SLC22A3: variants seen among roughly 807,000 people sequenced by gnomAD.
The protein encoded by SLC22A3 is solute carrier family 22 member 3.
A neutral mutation model predicts 59.1 loss-of-function variants in SLC22A3; 51 were observed. The ratio of observed to expected loss-of-function variants is 0.86; its 90% CI spans 0.69 to 1.09. The LOEUF (loss-of-function observed/expected upper bound fraction) is 1.09. Ranked by LOEUF, SLC22A3 falls within the 50% of genes least tolerant of loss-of-function variation. The pLI is 0.00. For missense variants in SLC22A3, 711 were observed against 726.3 expected, an observed-to-expected ratio of 0.98 and a Z score of 0.24; for synonymous variants, 325 against 292.0, an observed-to-expected ratio of 1.11 and a Z score of -1.15.
At chr6:160,435,930 A>C (rs1202573297) in intron 5 of SLC22A3, among the ~76,000 whole-genome samples, 16 of 152,106 alleles carry the variant, frequency 1.1e-4, no homozygotes, top group Non-Finnish European at 2.4e-4. Flanking sequence ...AGAGCTCCAG[A>C]CCCACAGGGG....
intron 6 of SLC22A3, 47 bp downstream of exon 6, chr6:160,436,924 A>G: frequency 6.2e-7 from 1 of 1,610,182 alleles, no homozygotes; most frequent in African/African-American, 1.3e-5. Context: ...TAAATTTACA[A>G]TACATCCCTT....
chr6:160,413,420 A>C (rs900809571), intron 5 of SLC22A3, among the ~76,000 whole-genome samples: 6 of 152,240 alleles, frequency 3.9e-5, no homozygotes, highest in African/African-American at 1.4e-4. Context: ...AAAATAGTTG[A>C]ATGAATCTCT....
intron 1 of SLC22A3, among the ~76,000 whole-genome samples, chr6:160,368,725 C>G (rs1785292993): frequency 1.3e-5 from 2 of 152,162 alleles, no homozygotes; most frequent in African/African-American, 4.8e-5. Context: ...CACCCCTGGT[C>G]TTATGTATCA....
chr6:160,416,895 A>G lies in SLC22A3; in HGVS notation c.975+6049A>G, dbSNP rs530523423. Among the ~76,000 whole-genome samples the G allele has an allele frequency of 4.7e-3, 710 of 152,348 alleles. 3 individuals are homozygous for G. The highest frequency in any genetic ancestry group is 0.016 in the African/African-American group (685 of 41,580). ...GTACTGAATTTGTGTGCTTGTCAAAATAAAAAAGAATGGGCAAGTACTTCA... is the reference window on the plus strand; with the variant it reads ...GTACTGAATTTGTGTGCTTGTCAAAGTAAAAAAGAATGGGCAAGTACTTCA... On this transcript the variant is annotated intron_variant, in intron 5 of 10. Coordinates refer to ENST00000275300, the MANE Select transcript of SLC22A3 (RefSeq NM_021977.4).
chr6:160,414,448 A>G (rs1787387468), intron 5 of SLC22A3, among the ~76,000 whole-genome samples: 5 of 152,198 alleles, frequency 3.3e-5, no homozygotes, highest in Admixed American at 2.0e-4. Context: ...GTGATTAATG[A>G]GTTGAGTGTG....
intron 9 of SLC22A3, among the ~76,000 whole-genome samples, chr6:160,444,642 G>C (rs541264098): frequency 6.6e-6 from 1 of 152,162 alleles, no homozygotes; most frequent in African/African-American, 2.4e-5. Context: ...CTGCTCCAAC[G>C]GTCCTGCCTG....
At chr6:160,419,932 A>C (rs1395121778) in intron 5 of SLC22A3, among the ~76,000 whole-genome samples, 1 of 152,190 alleles carries the variant, frequency 6.6e-6, no homozygotes, top group Non-Finnish European at 1.5e-5. Flanking sequence ...ATTTAAATGG[A>C]TTTGTTTACT....
At chr6:160,433,963 T>A (rs573677690) in intron 5 of SLC22A3, among the ~76,000 whole-genome samples, 20 of 152,188 alleles carry the variant, frequency 1.3e-4, no homozygotes, top group Non-Finnish European at 2.6e-4. Flanking sequence ...GAAAAAAGTA[T>A]TGCCACCTGT....
At chr6:160,432,978 C>G (rs1788208895) in intron 5 of SLC22A3, among the ~76,000 whole-genome samples, 1 of 152,158 alleles carries the variant, frequency 6.6e-6, no homozygotes, top group Admixed American at 6.5e-5. Context: ...AGCACTAAGC[C>G]TCTCATTCAG....
Position 160,410,830 on chromosome 6 carries a change from C to T in SLC22A3, c.959C>T (p.Ser320Leu). 1.3e-6 allele frequency: 2 copies of T among 1,596,064 alleles called. No individual in the cohort carries two copies. The highest frequency in any genetic ancestry group is 1.7e-6 in the Non-Finnish European group (2 of 1,164,118). Residue 320 changes from serine to leucine, a missense_variant, in exon 5 of 11, where the codon TCA (serine) becomes TTA (leucine). By Grantham distance (145) the Ser-to-Leu change is moderately radical. Coordinates refer to ENST00000275300, the MANE Select transcript of SLC22A3 (RefSeq NM_021977.4). ...RIAKCNGKYL[S>L]SNYSEITVTD... ...GCTAAGTGCAATGGGAAATACCTCT[C>T]ATCAAATTACTCAGAGGTAATTTCT...
At chr6:160,359,951 A>G (rs1221703895) in intron 1 of SLC22A3, among the ~76,000 whole-genome samples, 1 of 152,180 alleles carries the variant, frequency 6.6e-6, no homozygotes, top group Non-Finnish European at 1.5e-5. Context: ...ATGACCTTTA[A>G]CTCATTATCT....
At chr6:160,377,076 G>C (rs1344280440) in intron 1 of SLC22A3, among the ~76,000 whole-genome samples, 2 of 152,202 alleles carry the variant, frequency 1.3e-5, no homozygotes, top group Non-Finnish European at 2.9e-5. Context: ...GATGCTGTTG[G>C]TGTAGGGGCG....
At chr6:160,402,219 A>G (rs1337667953) in intron 2 of SLC22A3, among the ~76,000 whole-genome samples, 1 of 151,974 alleles carries the variant, frequency 6.6e-6, no homozygotes, top group African/African-American at 2.4e-5. Context: ...GCAGTAATCA[A>G]AGTAAAGCAG....
At position 160,447,776 on chromosome 6, in the gene SLC22A3, T is replaced by A. The variant is rs756971506; in HGVS notation, c.1568T>A (p.Ile523Asn). The change falls in exon 10 of 11, where the codon ATT becomes AAT. Residue 523 changes from isoleucine (I) to asparagine (N), a missense_variant. Ile to Asn is a moderately radical substitution (Grantham distance 149). Transcript: ENST00000275300. ...ATGCTTTTGCCTGAAACCAAGGGTA[T>A]TGCCTTGCCAGAGACAGTGGATGAT... ...LVMLLPETKG[I>N]ALPETVDDVE... 1.4e-5 allele frequency: 22 copies of A among 1,614,102 alleles called. No homozygotes were observed. Among genetic ancestry groups the A allele is most frequent in the Non-Finnish European group, 1.7e-5 (20 of 1,180,000 alleles).
At chr6:160,428,625 C>A (rs966516375) in intron 5 of SLC22A3, among the ~76,000 whole-genome samples, 2 of 152,138 alleles carry the variant, frequency 1.3e-5, no homozygotes, top group African/African-American at 4.8e-5. Context: ...TTAATTTCCC[C>A]TGTTTCTCTT....
chr6:160,426,846 G>A (rs1053634496), intron 5 of SLC22A3, among the ~76,000 whole-genome samples: 4 of 152,168 alleles, frequency 2.6e-5, no homozygotes, highest in African/African-American at 9.7e-5. Context: ...CTTGGGTCCT[G>A]GTGTGCAGGC....
intron 5 of SLC22A3, chr6:160,426,294 G>A: frequency 5.1e-6 from 5 of 985,418 alleles, no homozygotes; most frequent in South Asian, 4.7e-5. Flanking sequence ...GAAATTCCGA[G>A]ATGACAGTGG....
chr6:160,353,953 ATGC>A (rs1179984959), intron 1 of SLC22A3, among the ~76,000 whole-genome samples: 1 of 152,146 alleles, frequency 6.6e-6, no homozygotes, highest in Non-Finnish European at 1.5e-5. Flanking sequence ...ATCAGATGAA[ATGC>A]TGCTGTTTAT....
chr6:160,374,706 A>G (rs11963494), intron 1 of SLC22A3, among the ~76,000 whole-genome samples: 2,035 of 152,262 alleles, frequency 0.013, 41 homozygotes, highest in Middle Eastern at 0.075. Flanking sequence ...CCTCAGCACC[A>G]CAGGGCTCAT....
Sources: allele counts gnomAD v4.1 joint callset (sites outside exome capture counted in the v4.1 genomes callset), GRCh38; gene constraint gnomAD v4.1.1; transcripts MANE v1.5; gene names NCBI Gene and HGNC (gene_info 2026-07-23, HGNC 2026-07-21).